The following DOCK1 variants were observed in gnomAD, a reference collection of about 807,000 sequenced individuals.
DOCK1 encodes the protein dedicator of cytokinesis protein 1.
A neutral mutation model predicts 262.7 loss-of-function variants in DOCK1; 138 were observed. The ratio of observed to expected loss-of-function variants is 0.53; its 90% confidence interval spans 0.46 to 0.61. The LOEUF (loss-of-function observed/expected upper bound fraction) is 0.61, where lower values mean the gene tolerates loss of function less well. Among genes scored for constraint, DOCK1 ranks in the 20% least tolerant of loss-of-function variants. The pLI is 0.00. For missense variants in DOCK1, 1,908 were observed against 2,370.7 expected (o/e 0.80, Z 4.05); for synonymous variants, 866 against 867.4 (o/e 1.00, Z 0.03).
At chr10:127,033,352 G>C (rs2043375132) in intron 18 of DOCK1, among the ~76,000 whole-genome samples, 2 of 152,264 alleles carry the variant, frequency 1.3e-5, no homozygotes, top group Admixed American at 1.3e-4. Context: ...CCGATGCTTT[G>C]AGTGCCTGCA....
intron 51 of DOCK1, among the ~76,000 whole-genome samples, chr10:127,448,267 G>C (rs1241351312): frequency 6.6e-6 from 1 of 152,322 alleles, no homozygotes; most frequent in South Asian, 2.1e-4. Context: ...CCCCCCAGCA[G>C]CTGTTTTAGT....
chr10:127,343,184 G>T (rs572280092), intron 30 of DOCK1, among the ~76,000 whole-genome samples: 18 of 152,214 alleles, frequency 1.2e-4, no homozygotes, highest in Non-Finnish European at 2.5e-4. Flanking sequence ...GGCAGAGGTT[G>T]CAGTGAGCCA....
rs536842930 is a variant in DOCK1, at chr10:127,062,010, C to T, written c.2445+234C>T. Reference sequence around the variant, plus strand: ...GGAGTGCAGTGGTGTGATCTCAGCTCACTGCAACCTCTGCCTCCCGGCTTG... The same window carrying T: ...GGAGTGCAGTGGTGTGATCTCAGCTTACTGCAACCTCTGCCTCCCGGCTTG... On this transcript the variant is annotated intron_variant, in intron 23 of 51. Coordinates refer to ENST00000623213, the MANE Select transcript of DOCK1 (RefSeq NM_001290223.2). Among the ~76,000 whole-genome samples, 3 of 143,196 alleles carry T rather than the reference C, an allele frequency of 2.1e-5. No homozygotes were observed. The South Asian group carries it at 6.8e-4, about 33-fold the overall frequency. The allele number at this position is 143,196 out of a possible 152,430, so 93.9% of individuals were successfully genotyped here.
At chr10:127,239,154 T>G (rs2059174286) in intron 27 of DOCK1, among the ~76,000 whole-genome samples, 1 of 152,304 alleles carries the variant, frequency 6.6e-6, no homozygotes, top group South Asian at 2.1e-4. Flanking sequence ...AAATAAGCAT[T>G]AGGCATTTAT....
intron 27 of DOCK1, among the ~76,000 whole-genome samples, chr10:127,209,126 A>G (rs780922343): frequency 1.1e-4 from 17 of 152,176 alleles, no homozygotes; most frequent in Non-Finnish European, 1.5e-4. Flanking sequence ...ATGATCCAGA[A>G]TCAGTTCCTT....
chr10:127,345,138 C>G (rs1039265896), intron 31 of DOCK1, among the ~76,000 whole-genome samples: 5 of 152,192 alleles, frequency 3.3e-5, no homozygotes, highest in Non-Finnish European at 7.3e-5. Flanking sequence ...CAGCAGCGTT[C>G]ACACGACGAC....
intron 10 of DOCK1, among the ~76,000 whole-genome samples, chr10:127,004,906 C>T (rs940234137): frequency 6.6e-6 from 1 of 152,096 alleles, no homozygotes; most frequent in South Asian, 2.1e-4. Flanking sequence ...TTTGCTGCCA[C>T]CAGACTACCT....
chr10:127,138,047 T>G (rs188665646), intron 27 of DOCK1: 5 of 1,573,004 alleles, frequency 3.2e-6, no homozygotes, highest in Non-Finnish European at 4.3e-6. Context: ...GTGAAGACTT[T>G]AGCATTTGAT....
intron 2 of DOCK1, among the ~76,000 whole-genome samples, chr10:126,975,605 A>G (rs2038465833): frequency 6.6e-6 from 1 of 150,700 alleles, no homozygotes; most frequent in Non-Finnish European, 1.5e-5. Flanking sequence ...TAGTTTATAA[A>G]CTTTGCTCAT....
In DOCK1 at chr10:127,195,129, G is replaced by A. The variant is rs548901752; in HGVS notation, c.2848-52879G>A. Among the ~76,000 whole-genome samples the A allele has an allele frequency of 1.9e-4, 29 of 152,324 alleles. No individual in the cohort carries two copies. In the East Asian group the frequency reaches 5.2e-3, roughly 27 times the overall value. ...ATATTTTTGGGTAGTAGAATGCTGA[G>A]GTCACAGGGAGCGGCTCTTTATCCA... On this transcript the variant is annotated intron_variant, in intron 27 of 51. Coordinates refer to ENST00000623213, the MANE Select transcript of DOCK1 (RefSeq NM_001290223.2).
In DOCK1 at chr10:126,905,454, G is replaced by T; in HGVS notation, c.-64G>T. ...TCCCCATCCTGTCGCGGCTCGAAAGGAATGGAAAATGGCGGCCTAGACGCG... is the reference window on the plus strand; with the variant it reads ...TCCCCATCCTGTCGCGGCTCGAAAGTAATGGAAAATGGCGGCCTAGACGCG... On this transcript the variant is annotated 5_prime_UTR_variant, in exon 1 of 52. Transcript: ENST00000623213. 1 of 489,208 alleles carries T rather than the reference G, an allele frequency of 2.0e-6. No homozygotes were observed. The highest frequency in any genetic ancestry group is 2.4e-5 in the South Asian group (1 of 41,936). The allele number at this position is 489,208 out of a possible 1,614,324, so 30.3% of individuals were successfully genotyped here.
rs1223582794 is a variant in DOCK1 at position 127,338,953 on chromosome 10, C to T, written c.3045-53C>T. 3.0e-5 allele frequency: 44 copies of T among 1,460,302 alleles called. 1 individual carries two copies. The highest frequency in any genetic ancestry group is 1.3e-4 in the African/African-American group (9 of 71,306). The allele number at this position is 1,460,302 out of a possible 1,614,324, so 90.5% of individuals were successfully genotyped here. On this transcript the variant is annotated intron_variant, in intron 29 of 51. Coordinates refer to ENST00000623213, the MANE Select transcript of DOCK1 (RefSeq NM_001290223.2). The stretch of plus-strand genomic sequence containing the variant: ...TATCTAATTGAAATGCCAAACCTAC[C>T]GAAGTGCCAGAGCGTAAGTGTGTAA...
At chr10:127,121,436 C>A (rs2049558189) in intron 25 of DOCK1, among the ~76,000 whole-genome samples, 1 of 77,568 alleles carries the variant, frequency 1.3e-5, no homozygotes, top group Non-Finnish European at 3.3e-5. Context: ...TAAGATAGGT[C>A]ATTGTAGGGT....
At chr10:126,963,345 G>A (rs947730336) in intron 1 of DOCK1, among the ~76,000 whole-genome samples, 64,993 of 151,828 alleles carry the variant, frequency 0.43, 14,290 homozygotes, top group East Asian at 0.62. Flanking sequence ...ATATTTTTCA[G>A]TTTGTTCATG....
In DOCK1 at chr10:127,377,545, T is replaced by A. The variant is rs564954377; in HGVS notation, c.3676-2537T>A. On this transcript the variant is annotated intron_variant, in intron 35 of 51. Transcript: ENST00000623213. ...CTTCGTGGTTTCTTACAAAACACAGTTAGTGGAACATTGTAAGTTGTGTAG... is the reference window on the plus strand; with the variant it reads ...CTTCGTGGTTTCTTACAAAACACAGATAGTGGAACATTGTAAGTTGTGTAG... 7.9e-5 allele frequency among the ~76,000 whole-genome samples: 12 copies of A among 152,266 alleles called. 1 individual carries two copies. In the South Asian group the frequency reaches 1.7e-3, roughly 21 times the overall value.
intron 25 of DOCK1, among the ~76,000 whole-genome samples, chr10:127,121,094 G>T (rs772082470): frequency 6.6e-6 from 1 of 152,288 alleles, no homozygotes; most frequent in South Asian, 2.1e-4. Context: ...CTTTATACGT[G>T]TGGGTAAACT....
At chr10:127,113,677 G>A (rs75452419) in intron 25 of DOCK1, among the ~76,000 whole-genome samples, 2,142 of 152,184 alleles carry the variant, frequency 0.014, 47 homozygotes, top group African/African-American at 0.05. Context: ...GAGTTTGTTG[G>A]GCTTCATAGG....
chr10:127,316,342 G>A (rs1214440503), intron 29 of DOCK1, among the ~76,000 whole-genome samples: 1 of 152,146 alleles, frequency 6.6e-6, no homozygotes, highest in Non-Finnish European at 1.5e-5. Flanking sequence ...TATTTAGAAT[G>A]TGGGGGAAAC....
At chr10:127,017,413 A>G (rs370977905) in intron 12 of DOCK1, among the ~76,000 whole-genome samples, 9 of 151,970 alleles carry the variant, frequency 5.9e-5, no homozygotes, top group Non-Finnish European at 1.2e-4. Flanking sequence ...AGACATACAT[A>G]CAGATACAGA....
Sources: gnomAD v4.1 joint callset for allele counts (sites outside exome capture counted in the v4.1 genomes callset) on GRCh38, gnomAD v4.1.1 for gene constraint, MANE v1.5 for transcripts, NCBI Gene and HGNC (gene_info 2026-07-23, HGNC 2026-07-21) for gene names.